STXBP5L: variants seen among roughly 807,000 people sequenced by gnomAD.
STXBP5L encodes the protein syntaxin-binding protein 5-like.
In STXBP5L, 65 loss-of-function variants were observed where a neutral mutation model predicts 144.5. That is an observed-to-expected ratio of 0.45 (90% confidence interval 0.37 to 0.55). The LOEUF (loss-of-function observed/expected upper bound fraction) is 0.55, where lower values mean the gene tolerates loss of function less well. STXBP5L is among the 20% of genes least tolerant of loss of function. The pLI, the probability that STXBP5L is intolerant of heterozygous loss-of-function variation, is 0.00. For synonymous variants in STXBP5L, 505 were observed against 469.6 expected, an observed-to-expected ratio of 1.08 and a Z score of -0.97; for missense variants, 1,298 against 1,405.5, an observed-to-expected ratio of 0.92 and a Z score of 1.22.
At chr3:121,356,326 C>G (rs1295474691) in intron 20 of STXBP5L, among the ~76,000 whole-genome samples, 1 of 152,242 alleles carries the variant, frequency 6.6e-6, no homozygotes, top group Non-Finnish European at 1.5e-5. Context: ...GTAGGCCTTG[C>G]TAAGCTGTGG....
At chr3:121,210,684 G>C (rs530983994) in intron 10 of STXBP5L, among the ~76,000 whole-genome samples, 1 of 152,286 alleles carries the variant, frequency 6.6e-6, no homozygotes, top group East Asian at 1.9e-4. Context: ...TTATTAAATA[G>C]GGAATCCTTT....
At chr3:121,021,652 A>G (rs535978540) in intron 3 of STXBP5L, among the ~76,000 whole-genome samples, 1 of 152,276 alleles carries the variant, frequency 6.6e-6, no homozygotes, top group East Asian at 1.9e-4. Context: ...TAAATAACCT[A>G]TTCCTGAATG....
At chr3:121,399,857 T>G (rs2046829311) in intron 22 of STXBP5L, among the ~76,000 whole-genome samples, 1 of 152,322 alleles carries the variant, frequency 6.6e-6, no homozygotes, top group Non-Finnish European at 1.5e-5. Flanking sequence ...GGCCAGATTT[T>G]GGGGGGCCTG....
intron 19 of STXBP5L, among the ~76,000 whole-genome samples, chr3:121,293,588 G>A (rs1025252202): frequency 1.3e-5 from 2 of 152,304 alleles, no homozygotes; most frequent in East Asian, 3.9e-4. Context: ...GGCCAGGTGC[G>A]GTGGCTCACG....
intron 11 of STXBP5L, among the ~76,000 whole-genome samples, chr3:121,227,551 C>T (rs889099881): frequency 3.3e-5 from 5 of 152,132 alleles, no homozygotes; most frequent in African/African-American, 1.2e-4. Flanking sequence ...CACTGTACTC[C>T]AGCCTGGGGA....
intron 5 of STXBP5L, among the ~76,000 whole-genome samples, chr3:121,108,308 C>A (rs2043812858): frequency 6.6e-6 from 1 of 152,152 alleles, no homozygotes; most frequent in African/African-American, 2.4e-5. Context: ...AAGGGAAATG[C>A]TTCCAGCTTT....
At chr3:121,080,960 C>T (rs1210112584) in intron 5 of STXBP5L, among the ~76,000 whole-genome samples, 5 of 152,148 alleles carry the variant, frequency 3.3e-5, no homozygotes, top group Non-Finnish European at 7.3e-5. Context: ...ATATGTTTCC[C>T]AAAATTTAGA....
intron 5 of STXBP5L, among the ~76,000 whole-genome samples, chr3:121,086,568 T>C (rs2042504210): frequency 6.6e-6 from 1 of 152,114 alleles, no homozygotes; most frequent in Non-Finnish European, 1.5e-5. Flanking sequence ...CAATAGGCTA[T>C]ACAAGTTGTG....
intron 3 of STXBP5L, among the ~76,000 whole-genome samples, chr3:120,990,833 G>A (rs1298800862): frequency 6.6e-6 from 1 of 152,130 alleles, no homozygotes; most frequent in African/African-American, 2.4e-5. Context: ...ATTAATTCAA[G>A]ATGGATTAAA....
chr3:121,284,481 C>T (rs1445571580), intron 19 of STXBP5L, among the ~76,000 whole-genome samples: 1 of 152,070 alleles, frequency 6.6e-6, no homozygotes, highest in Non-Finnish European at 1.5e-5. Context: ...AGCCTAGATT[C>T]ATTTGTATGG....
intron 5 of STXBP5L, among the ~76,000 whole-genome samples, chr3:121,090,575 G>A (rs1385674374): frequency 6.6e-6 from 1 of 152,096 alleles, no homozygotes; most frequent in African/African-American, 2.4e-5. Context: ...GAAAGGGAAT[G>A]AGTTTAGTTA....
chr3:121,125,734 G>A (rs1483954549), intron 7 of STXBP5L, among the ~76,000 whole-genome samples: 1 of 152,022 alleles, frequency 6.6e-6, no homozygotes, highest in Non-Finnish European at 1.5e-5. Context: ...CTATTCCCAG[G>A]TCTCTGGCTC....
In STXBP5L at chr3:121,413,259, A is replaced by T. The variant is rs2108751162; in HGVS notation, c.3050A>T (p.Tyr1017Phe). 2 of 1,609,038 alleles carry T rather than the reference A, an allele frequency of 1.2e-6. No homozygotes were observed. The highest frequency in any genetic ancestry group is 1.7e-6 in the Non-Finnish European group (2 of 1,178,516). Reference protein sequence around the residue: ...FCFTNEGQALYLVSPTEIQRL... With the variant: ...FCFTNEGQALFLVSPTEIQRL... ...TTTACCAATGAAGGACAGGCATTAT[A>T]CCTCGTCTCTCCTACTGAAATTCAG... The change falls in exon 24 of 27, where the codon TAC becomes TTC. Residue 1017 changes from tyrosine to phenylalanine, a missense_variant. Coordinates refer to ENST00000471454, the MANE Select transcript of STXBP5L (RefSeq NM_001308330.2).
intron 19 of STXBP5L, among the ~76,000 whole-genome samples, chr3:121,291,413 A>G (rs1559941273): frequency 6.6e-6 from 1 of 152,184 alleles, no homozygotes; most frequent in Non-Finnish European, 1.5e-5. Context: ...GGACAACACA[A>G]ACAAATGGAA....
chr3:121,238,155 A>G (rs1172110715), intron 12 of STXBP5L, among the ~76,000 whole-genome samples: 1 of 152,198 alleles, frequency 6.6e-6, no homozygotes, highest in African/African-American at 2.4e-5. Context: ...TTGTGTTACT[A>G]AAAGGAATAC....
rs572243404 is a variant in STXBP5L, at chr3:121,382,577, TTA to T, written c.2587+1053_2587+1054del. On this transcript the variant is annotated intron_variant, in intron 22 of 26. Transcript: ENST00000471454. ...ATTCATTATTTAACTCAATAAAAGA[TTA>T]TATATATTGGACATCTAATATGTAC... 4.6e-5 allele frequency among the ~76,000 whole-genome samples: 7 copies of T among 152,234 alleles called. No individual in the cohort carries two copies. In the East Asian group the frequency reaches 1.3e-3, roughly 29 times the overall value.
chr3:121,354,063 C>G (rs1354296286), intron 20 of STXBP5L, among the ~76,000 whole-genome samples: 1 of 152,174 alleles, frequency 6.6e-6, no homozygotes, highest in Non-Finnish European at 1.5e-5. Flanking sequence ...GTTGTGATTT[C>G]TGTTCTTTTA....
At chr3:120,984,604 A>ACTTGGAT (rs1188843453) in intron 3 of STXBP5L, among the ~76,000 whole-genome samples, 1 of 122,730 alleles carries the variant, frequency 8.1e-6, no homozygotes, top group Non-Finnish European at 1.7e-5. Flanking sequence ...GTTCTTTCCA[A>ACTTGGAT]CTTGGATGCC....
chr3:121,210,942 A>C (rs1370261410), intron 10 of STXBP5L, among the ~76,000 whole-genome samples: 1 of 152,122 alleles, frequency 6.6e-6, no homozygotes, highest in East Asian at 1.9e-4. Context: ...ATGAACTTTA[A>C]AGTAGTTTTT....
Sources: gnomAD v4.1 joint callset for allele counts (sites outside exome capture counted in the v4.1 genomes callset) on GRCh38, gnomAD v4.1.1 for gene constraint, MANE v1.5 for transcripts, NCBI Gene and HGNC (gene_info 2026-07-23, HGNC 2026-07-21) for gene names.